The following MLLT10 variants were observed in gnomAD, a reference collection of about 807,000 sequenced individuals.
MLLT10 encodes MLLT10 histone lysine methyltransferase DOT1L cofactor.
In MLLT10, 30 loss-of-function variants were observed where a neutral mutation model predicts 129.1. The observed-to-expected ratio is 0.23, with a 90% CI of 0.17 to 0.32. The LOEUF is 0.32. MLLT10 is among the 10% of genes least tolerant of loss of function. The pLI, the probability that MLLT10 is intolerant of heterozygous loss-of-function variation, is 1.00. For synonymous variants in MLLT10, 490 were observed against 446.4 expected (o/e 1.10, Z -1.23); for missense variants, 1,119 against 1,268.3 (o/e 0.88, Z 1.79).
intron 3 of MLLT10, among the ~76,000 whole-genome samples, chr10:21,569,792 G>C (rs960858157): frequency 2.6e-5 from 4 of 152,028 alleles, no homozygotes; most frequent in African/African-American, 9.7e-5. Context: ...GCCTGGGCTG[G>C]AGTGCAGTGG....
intron 3 of MLLT10, among the ~76,000 whole-genome samples, chr10:21,547,473 T>G (rs1175011716): frequency 2.6e-5 from 4 of 151,504 alleles, no homozygotes; most frequent in African/African-American, 9.7e-5. Flanking sequence ...TGGGCTCATG[T>G]GATCCTCTCA....
At position 21,558,107 on chromosome 10, in the gene MLLT10, G is replaced by A. The variant is rs148271894; in HGVS notation, c.240+19195G>A. ...TGGGATTACAGGTGCCTGCCACCAC[G>A]TCCAGCTAATTTTTTGTATTTTTAG... is the stretch of plus-strand genomic sequence containing the variant. On this transcript the variant is annotated intron_variant, in intron 3 of 22. Coordinates refer to ENST00000307729, the MANE Select transcript of MLLT10 (RefSeq NM_001195626.3). 1.6e-3 allele frequency among the ~76,000 whole-genome samples: 249 copies of A among 151,596 alleles called. 3 individuals are homozygous for A. The highest frequency in any genetic ancestry group is 5.7e-3 in the African/African-American group (234 of 41,344).
intron 13 of MLLT10, among the ~76,000 whole-genome samples, chr10:21,699,415 T>G (rs926893222): frequency 6.6e-6 from 1 of 152,164 alleles, no homozygotes; most frequent in African/African-American, 2.4e-5. Context: ...TTTGTCTATT[T>G]GTGATTTTGA....
intron 3 of MLLT10, chr10:21,557,154 A>C: frequency 1.5e-6 from 2 of 1,353,090 alleles, no homozygotes; most frequent in South Asian, 3.9e-5. Context: ...AAACTTCCTG[A>C]AAAAATAAAA....
chr10:21,600,330 G>T (rs2043402301), intron 5 of MLLT10, among the ~76,000 whole-genome samples: 1 of 150,064 alleles, frequency 6.7e-6, no homozygotes, highest in African/African-American at 2.5e-5. Flanking sequence ...TTTTAGGGAT[G>T]AATATATTTT....
intron 7 of MLLT10, 91 bp from the exon 8 acceptor site, chr10:21,617,016 ATACTT>A (rs1359221980): frequency 4.4e-6 from 2 of 457,376 alleles, no homozygotes; most frequent in East Asian, 4.2e-5. Flanking sequence ...GACATTAAAA[ATACTT>A]TATAGTTGAA....
chr10:21,556,596 A>C, intron 3 of MLLT10: 2 of 1,451,904 alleles, frequency 1.4e-6, no homozygotes, highest in Non-Finnish European at 1.9e-6. Context: ...AGAGCCAGTT[A>C]CGCGTTAGTA....
intron 5 of MLLT10, among the ~76,000 whole-genome samples, chr10:21,596,140 A>G (rs955311496): frequency 3.3e-5 from 5 of 152,160 alleles, no homozygotes; most frequent in Non-Finnish European, 5.9e-5. Flanking sequence ...TATTTATTTT[A>G]AAAACTTGAA....
At chr10:21,708,786 A>G in intron 13 of MLLT10, 1 of 970,222 alleles carries the variant, frequency 1.0e-6, no homozygotes, top group Non-Finnish European at 1.2e-6. Flanking sequence ...GGTAATTGCA[A>G]CTTTCAAAGT....
At chr10:21,555,930 G>A (rs1475657372) in intron 3 of MLLT10, among the ~76,000 whole-genome samples, 1 of 151,630 alleles carries the variant, frequency 6.6e-6, no homozygotes, top group Non-Finnish European at 1.5e-5. Context: ...GTCTCCAAAA[G>A]TGCTGGGATT....
intron 11 of MLLT10, among the ~76,000 whole-genome samples, chr10:21,680,632 A>G (rs2052638697): frequency 6.6e-6 from 1 of 152,182 alleles, no homozygotes; most frequent in Admixed American, 6.5e-5. Flanking sequence ...TGTGATTTCC[A>G]TGTGAAAATA....
At chr10:21,573,117 A>G (rs1266421529) in intron 3 of MLLT10, among the ~76,000 whole-genome samples, 3 of 152,078 alleles carry the variant, frequency 2.0e-5, no homozygotes, top group African/African-American at 4.8e-5. Flanking sequence ...TTTCTAATAG[A>G]TGATTGTCAT....
At chr10:21,631,119 G>GCTA (rs1191502279) in intron 8 of MLLT10, among the ~76,000 whole-genome samples, 1 of 151,888 alleles carries the variant, frequency 6.6e-6, no homozygotes, top group Non-Finnish European at 1.5e-5. Flanking sequence ...GACCATCCTG[G>GCTA]CTAACATGGT....
At chr10:21,717,598 TTTC>T (rs1329768858) in intron 14 of MLLT10, among the ~76,000 whole-genome samples, 3 of 119,272 alleles carry the variant, frequency 2.5e-5, no homozygotes, top group Non-Finnish European at 5.1e-5. Flanking sequence ...CTTCCTCTTC[TTTC>T]TTCCTCTTCT....
chr10:21,698,537 T>G (rs2054587866), intron 13 of MLLT10, among the ~76,000 whole-genome samples: 1 of 152,198 alleles, frequency 6.6e-6, no homozygotes. Flanking sequence ...AATATGTGAG[T>G]GCAGGTAACC....
chr10:21,658,824 C>T (rs542774108), intron 9 of MLLT10, among the ~76,000 whole-genome samples: 32 of 152,144 alleles, frequency 2.1e-4, no homozygotes, highest in South Asian at 1.2e-3. Context: ...CCACCATGCC[C>T]GGCTAATTTT....
At chr10:21,650,395 G>C (rs2048906301) in intron 8 of MLLT10, among the ~76,000 whole-genome samples, 1 of 152,072 alleles carries the variant, frequency 6.6e-6, no homozygotes, top group African/African-American at 2.4e-5. Context: ...TACATTTACT[G>C]TTGCTGAAGT....
intron 9 of MLLT10, 105 bp from the exon 10 acceptor site, chr10:21,670,344 T>C (rs990980808): frequency 1.8e-6 from 2 of 1,083,844 alleles, no homozygotes; most frequent in Non-Finnish European, 2.5e-6. Flanking sequence ...AACAGAAACT[T>C]TGTGTTTATT....
intron 21 of MLLT10, among the ~76,000 whole-genome samples, chr10:21,737,732 C>T (rs1032391825): frequency 1.3e-5 from 2 of 151,912 alleles, no homozygotes; most frequent in Non-Finnish European, 2.9e-5. Flanking sequence ...CAGGCCTGGC[C>T]CTGTGGACAG....
Sources: allele counts gnomAD v4.1 joint callset (sites outside exome capture counted in the v4.1 genomes callset), GRCh38; gene constraint gnomAD v4.1.1; transcripts MANE v1.5; gene names NCBI Gene and HGNC (gene_info 2026-07-23, HGNC 2026-07-21).